The following EYS variants were observed in gnomAD, a reference collection of about 807,000 sequenced individuals.
EYS encodes EGF-like photoreceptor maintenance factor.
EYS carries 250 observed loss-of-function variants against 282.1 expected under a neutral mutation model. The ratio of observed to expected loss-of-function variants is 0.89; its 90% confidence interval spans 0.80 to 0.98. EYS has a LOEUF of 0.98. EYS is among the 50% of genes least tolerant of loss of function. The pLI, the probability that EYS is intolerant of heterozygous loss-of-function variation, is 0.00. For missense variants in EYS, 4,016 were observed against 3,709.0 expected, an observed-to-expected ratio of 1.08 and a Z score of -2.15; for synonymous variants, 1,355 against 1,282.9, an observed-to-expected ratio of 1.06 and a Z score of -1.20.
At chr6:64,249,740 G>A (rs1005012404) in intron 30 of EYS, among the ~76,000 whole-genome samples, 4 of 152,178 alleles carry the variant, frequency 2.6e-5, no homozygotes, top group Admixed American at 6.5e-5. Context: ...AAGAGCTGTG[G>A]TCCTGGAGAG....
chr6:65,669,613 A>C (rs1328596664), intron 1 of EYS, among the ~76,000 whole-genome samples: 1 of 152,020 alleles, frequency 6.6e-6, no homozygotes, highest in African/African-American at 2.4e-5. Context: ...TATGATTTGC[A>C]GGCCAGAAAT....
At chr6:63,779,465 A>AC (rs1562022196) in intron 39 of EYS, 1 of 151,302 alleles carries the variant, frequency 6.6e-6, no homozygotes, top group Non-Finnish European at 1.5e-5. Flanking sequence ...AAAAAAAAAA[A>AC]ACCAAACAAA....
intron 12 of EYS, among the ~76,000 whole-genome samples, chr6:65,206,821 A>G (rs2150249423): frequency 6.6e-6 from 1 of 151,986 alleles, no homozygotes; most frequent in South Asian, 2.1e-4. Flanking sequence ...ATAAAATCCA[A>G]CATTTCTTCA....
intron 35 of EYS, among the ~76,000 whole-genome samples, chr6:63,927,582 C>T (rs762705809): frequency 7.2e-5 from 11 of 152,266 alleles, no homozygotes; most frequent in Non-Finnish European, 1.5e-4. Flanking sequence ...TGAGATGGCA[C>T]TTTTTAGATA....
chr6:64,269,848 G>T (rs1197435118), intron 30 of EYS, among the ~76,000 whole-genome samples: 2 of 151,842 alleles, frequency 1.3e-5, no homozygotes, highest in African/African-American at 4.8e-5. Flanking sequence ...ATATATGCAA[G>T]ATATGAGCAA....
intron 18 of EYS, among the ~76,000 whole-genome samples, chr6:64,897,370 T>C (rs1411783730): frequency 1.3e-5 from 2 of 152,236 alleles, no homozygotes; most frequent in East Asian, 1.9e-4. Context: ...GCCTGACTGT[T>C]AGAAGGATAT....
intron 1 of EYS, among the ~76,000 whole-genome samples, chr6:65,705,371 T>C (rs1036874092): frequency 3.9e-5 from 6 of 152,210 alleles, no homozygotes; most frequent in African/African-American, 1.4e-4. Flanking sequence ...CCCAGAAATG[T>C]TTTATTTCTT....
At chr6:65,214,076 G>A (rs1766247314) in intron 12 of EYS, among the ~76,000 whole-genome samples, 1 of 147,930 alleles carries the variant, frequency 6.8e-6, no homozygotes, top group Admixed American at 6.9e-5. Flanking sequence ...GGAGAATGGT[G>A]TGGACCCGGG....
rs1016632011 is a variant in EYS, at chr6:65,566,388, C to T, written c.-332-70395G>A. 5.3e-5 allele frequency among the ~76,000 whole-genome samples: 8 copies of T among 151,226 alleles called. No homozygotes were observed. The South Asian group carries it at 1.5e-3, about 28-fold the overall frequency. ...AAGGGGAAGGATGAGGGGACAAGAC[C>T]TCGAAAAAAAAAAGAACAGGAAATA... is the stretch of plus-strand genomic sequence containing the variant. On this transcript the variant is annotated intron_variant, in intron 2 of 42. Transcript: ENST00000503581.
At chr6:65,141,305 A>T (rs1227156402) in intron 12 of EYS, among the ~76,000 whole-genome samples, 2 of 152,040 alleles carry the variant, frequency 1.3e-5, no homozygotes. Flanking sequence ...GAACACATGG[A>T]CACAGGAAGG....
At chr6:64,198,833 C>A (rs901328916) in intron 31 of EYS, among the ~76,000 whole-genome samples, 1 of 152,000 alleles carries the variant, frequency 6.6e-6, no homozygotes, top group Non-Finnish European at 1.5e-5. Flanking sequence ...ATCCTTTGAG[C>A]GTATACCCAG....
At chr6:64,062,269 T>C (rs1448328015) in intron 33 of EYS, among the ~76,000 whole-genome samples, 1 of 152,134 alleles carries the variant, frequency 6.6e-6, no homozygotes, top group Non-Finnish European at 1.5e-5. Context: ...GCAAAGGCAA[T>C]CGTAAATCCA....
chr6:64,096,650 G>A (rs957546826), intron 31 of EYS, among the ~76,000 whole-genome samples: 6 of 152,094 alleles, frequency 3.9e-5, no homozygotes, highest in South Asian at 2.1e-4. Flanking sequence ...TTAGCCATTC[G>A]TCTAATTTTT....
At chr6:65,240,913 C>T (rs1767042263) in intron 12 of EYS, among the ~76,000 whole-genome samples, 1 of 152,162 alleles carries the variant, frequency 6.6e-6, no homozygotes, top group Admixed American at 6.5e-5. Context: ...AGTGTATAAG[C>T]ATTCCCCTTT....
rs548532163 is a variant in EYS at position 64,230,522 on chromosome 6, T to C, written c.6424+70A>G. On this transcript the variant is annotated intron_variant, in intron 31 of 42. Coordinates refer to ENST00000503581, the MANE Select transcript of EYS (RefSeq NM_001142800.2). ...TACCCATCACTAAGTTTACAATACA[T>C]TTCAACTCCTGTCCATTCTCTGGAG... The C allele has an allele frequency of 7.2e-6, 8 of 1,107,974 alleles. No individual in the cohort carries two copies. In the East Asian group the frequency reaches 1.0e-4, roughly 14 times the overall value. 68.6% of individuals were successfully genotyped at this position (1,107,974 alleles called of 1,614,324 possible).
intron 14 of EYS, among the ~76,000 whole-genome samples, chr6:64,981,231 A>G (rs1770654676): frequency 6.6e-6 from 1 of 151,448 alleles, no homozygotes; most frequent in Non-Finnish European, 1.5e-5. Flanking sequence ...AAGAATACGT[A>G]AAGCTACTGA....
At chr6:65,253,569 A>T (rs115319548) in intron 12 of EYS, among the ~76,000 whole-genome samples, 1 of 152,054 alleles carries the variant, frequency 6.6e-6, no homozygotes, top group East Asian at 1.9e-4. Flanking sequence ...GAGATATTTT[A>T]TAAGTCATAT....
intron 28 of EYS, among the ~76,000 whole-genome samples, chr6:64,419,221 A>G (rs1025456399): frequency 1.3e-5 from 2 of 152,038 alleles, no homozygotes; most frequent in African/African-American, 4.8e-5. Flanking sequence ...AGTTTAACTG[A>G]CTCACAGTTT....
intron 13 of EYS, among the ~76,000 whole-genome samples, chr6:65,021,243 C>A (rs974564755): frequency 6.6e-6 from 1 of 152,196 alleles, no homozygotes. Context: ...TGCTCCGCTT[C>A]CTTTTGGATG....
Sources: gnomAD v4.1 joint callset for allele counts (sites outside exome capture counted in the v4.1 genomes callset) on GRCh38, gnomAD v4.1.1 for gene constraint, MANE v1.5 for transcripts, NCBI Gene and HGNC (gene_info 2026-07-23, HGNC 2026-07-21) for gene names.